Variants in MROH7 observed in about 807,000 individuals in gnomAD.
MROH7 encodes maestro heat like repeat family member 7, also known as maestro heat-like repeat-containing protein family member 7.
In MROH7, 113 loss-of-function variants were observed where a neutral mutation model predicts 129.2. The observed-to-expected ratio is 0.87, with a 90% CI of 0.75 to 1.02. The LOEUF (loss-of-function observed/expected upper bound fraction) is 1.02. Ranked by LOEUF, MROH7 falls within the 50% of genes least tolerant of loss-of-function variation. The pLI is 0.00. For synonymous variants in MROH7, 655 were observed against 667.9 expected, an observed-to-expected ratio of 0.98 and a Z score of 0.30; for missense variants, 1,601 against 1,671.3, an observed-to-expected ratio of 0.96 and a Z score of 0.73.
intron 3 of MROH7, among the ~76,000 whole-genome samples, chr1:54,662,600 G>T (rs1021182469): frequency 1.3e-5 from 2 of 151,762 alleles, no homozygotes; most frequent in African/African-American, 2.4e-5. Context: ...TTCAGAATAA[G>T]TTTCCAAATG....
chr1:54,695,886 T>C (rs6662431), intron 17 of MROH7: 64,899 of 314,370 alleles, frequency 0.21, 7,367 homozygotes, highest in South Asian at 0.27. Flanking sequence ...TGGGGCCATC[T>C]AGGCTGTGGT....
At chr1:54,682,873 AC>A in intron 14 of MROH7, 79 bp downstream of exon 14, 1 of 1,516,470 alleles carries the variant, frequency 6.6e-7, no homozygotes. Flanking sequence ...AGCTAAGCAC[AC>A]CCGGCCTCGA....
chr1:54,700,130 GAC>G (rs1225543167), intron 17 of MROH7, 189 bp from the exon 18 acceptor site: 1 of 761,672 alleles, frequency 1.3e-6, no homozygotes, highest in East Asian at 2.7e-5. Flanking sequence ...GCTGGAGAGT[GAC>G]ACACTCAGCT....
intron 12 of MROH7, 149 bp from the exon 13 acceptor site, chr1:54,679,742 G>A (rs1395371617): frequency 1.1e-5 from 9 of 797,738 alleles, no homozygotes; most frequent in South Asian, 5.2e-5. Context: ...AGGGGCAGGC[G>A]CTCTGCTTGC....
intron 1 of MROH7, among the ~76,000 whole-genome samples, chr1:54,644,693 G>A (rs1644436841): frequency 6.6e-6 from 1 of 150,872 alleles, no homozygotes; most frequent in Non-Finnish European, 1.5e-5. Context: ...ATAGAAATGA[G>A]GTCCCACTGT....
At chr1:54,676,707 TTTTTC>T (rs1644987055) in intron 10 of MROH7, among the ~76,000 whole-genome samples, 1 of 147,864 alleles carries the variant, frequency 6.8e-6, no homozygotes, top group South Asian at 2.2e-4. Context: ...GCTTATTTAA[TTTTTC>T]TTTTCTTTTT....
intron 18 of MROH7, 75 bp from the exon 19 acceptor site, chr1:54,701,068 T>C: frequency 1.3e-6 from 2 of 1,509,376 alleles, no homozygotes; most frequent in South Asian, 2.4e-5. Context: ...TTCATTTCAG[T>C]GAATCAGAGG....
intron 1 of MROH7, among the ~76,000 whole-genome samples, chr1:54,647,499 G>A (rs1016399872): frequency 3.3e-5 from 5 of 152,062 alleles, no homozygotes; most frequent in East Asian, 1.9e-4. Context: ...CAGCACCTTC[G>A]CAGGCCAAGG....
At chr1:54,676,496 G>A (rs1402139829) in intron 10 of MROH7, among the ~76,000 whole-genome samples, 4 of 151,696 alleles carry the variant, frequency 2.6e-5, no homozygotes, top group Admixed American at 1.3e-4. Flanking sequence ...TGCAACCTCC[G>A]CCTCCCAGGT....
intron 1 of MROH7, among the ~76,000 whole-genome samples, chr1:54,643,722 A>G (rs1009911910): frequency 6.6e-6 from 1 of 152,218 alleles, no homozygotes; most frequent in Non-Finnish European, 1.5e-5. Flanking sequence ...ACCTACAAGA[A>G]GTCACATAAG....
intron 16 of MROH7, among the ~76,000 whole-genome samples, chr1:54,693,213 A>G (rs1483809894): frequency 6.6e-6 from 1 of 152,110 alleles, no homozygotes. Context: ...GTTCTTTCCC[A>G]TTTGAATGTG....
chr1:54,695,578 T>C (rs771275326), intron 17 of MROH7, 88 bp downstream of exon 17: 2 of 838,828 alleles, frequency 2.4e-6, no homozygotes, highest in Non-Finnish European at 4.0e-6. Flanking sequence ...TAAACAGTAC[T>C]TTATAGTTTA....
At chr1:54,683,487 A>G (rs537316392) in intron 14 of MROH7, among the ~76,000 whole-genome samples, 24 of 152,228 alleles carry the variant, frequency 1.6e-4, no homozygotes, top group Admixed American at 7.2e-4. Context: ...CCCCTGGTCC[A>G]TACCCCTGCC....
chr1:54,700,265 CA>C (rs1159557884), intron 17 of MROH7, 55 bp from the exon 18 acceptor site: 3 of 1,608,910 alleles, frequency 1.9e-6, no homozygotes, highest in Non-Finnish European at 2.6e-6. Flanking sequence ...CATGGGAGGC[CA>C]GGGGGCTGCC....
Position 54,679,907 on chromosome 1 carries a change from A to C in MROH7, c.2243A>C (p.Gln748Pro). ...GTGCCCCAGATCCCAGAAATCATGCAAGGCATCTACATGCAGCTGAGCCAC... is the reference window on the plus strand; with the variant it reads ...GTGCCCCAGATCCCAGAAATCATGCCAGGCATCTACATGCAGCTGAGCCAC... ...RALEVIPEIM[Q>P]GIYMQLSHIQ... Residue 748 changes from glutamine (Q) to proline (P), a missense_variant, in exon 13 of 24, where the codon CAA becomes CCA. Gln to Pro is a moderately conservative substitution (Grantham distance 76, BLOSUM62 -1). Transcript: ENST00000421030. 6.2e-7 allele frequency: 1 copy of C among 1,610,646 alleles called. No homozygotes were observed. Among genetic ancestry groups the C allele is most frequent in the Non-Finnish European group, 8.5e-7 (1 of 1,178,678 alleles).
At chr1:54,700,708 G>C (rs494109) in intron 18 of MROH7, among the ~76,000 whole-genome samples, 1 of 152,144 alleles carries the variant, frequency 6.6e-6, no homozygotes, top group African/African-American at 2.4e-5. Context: ...AAGGGCAAAG[G>C]GTGGCACAAG....
At chr1:54,698,107 C>T (rs928407548) in intron 17 of MROH7, 46 of 170,190 alleles carry the variant, frequency 2.7e-4, no homozygotes, top group African/African-American at 1.0e-3. Flanking sequence ...CCCTCCGCCC[C>T]GGCTTCCTGT....
intron 1 of MROH7, among the ~76,000 whole-genome samples, chr1:54,647,979 G>T (rs2101055626): frequency 6.6e-6 from 1 of 150,618 alleles, no homozygotes; most frequent in African/African-American, 2.4e-5. Flanking sequence ...ATATCCAGCT[G>T]TTCCACTGCC....
At chr1:54,690,945 G>C (rs955632076) in intron 15 of MROH7, among the ~76,000 whole-genome samples, 1 of 152,162 alleles carries the variant, frequency 6.6e-6, no homozygotes, top group African/African-American at 2.4e-5. Flanking sequence ...GGAGGGGAGG[G>C]TGGTCCAGTC....
Sources: gnomAD v4.1 joint callset for allele counts (sites outside exome capture counted in the v4.1 genomes callset) on GRCh38, gnomAD v4.1.1 for gene constraint, MANE v1.5 for transcripts, NCBI Gene and HGNC (gene_info 2026-07-23, HGNC 2026-07-21) for gene names.